Variants in CERS1 observed in about 807,000 individuals in gnomAD.
CERS1 encodes ceramide synthase 1, also known as Embryonic growth/differentiation factor 1.
CERS1 carries 16 observed loss-of-function variants against 35.7 expected under a neutral mutation model. The ratio of observed to expected loss-of-function variants is 0.45; its 90% CI spans 0.30 to 0.68. CERS1 has a LOEUF of 0.68. CERS1 is among the 30% of genes least tolerant of loss of function. CERS1 has a pLI of 0.08. For missense variants in CERS1, 454 were observed against 453.9 expected, an observed-to-expected ratio of 1.00 and a Z score of 0.00; for synonymous variants, 243 against 201.6, an observed-to-expected ratio of 1.21 and a Z score of -1.74.
chr19:18,869,227 C>A lies in CERS1; in HGVS notation c.*758G>T. 7.2e-7 allele frequency: 1 copy of A among 1,381,314 alleles called. No individual in the cohort carries two copies. The highest frequency in any genetic ancestry group is 9.3e-7 in the Non-Finnish European group (1 of 1,078,522). 85.6% of individuals were successfully genotyped at this position (1,381,314 alleles called of 1,614,324 possible). ...GGCCCGCTTGCGCCACGCTCAGCTC[C>A]CAGCCGCCCTCCGGGGCTGCCGCCG... is the stretch of plus-strand genomic sequence containing the variant. On this transcript the variant is annotated 3_prime_UTR_variant, in exon 8 of 8. Coordinates refer to ENST00000623882, the MANE Select transcript of CERS1 (RefSeq NM_021267.5).
intron 2 of CERS1, among the ~76,000 whole-genome samples, chr19:18,891,547 A>G (rs1310885192): frequency 6.6e-6 from 1 of 151,722 alleles, no homozygotes; most frequent in Non-Finnish European, 1.5e-5. Flanking sequence ...ACTCCAATCA[A>G]TTGGACACAG....
intron 2 of CERS1, among the ~76,000 whole-genome samples, chr19:18,886,091 GCTGCCAGACACCAAATTCAA>G (rs2056350359): frequency 1.3e-5 from 2 of 152,184 alleles, no homozygotes; most frequent in African/African-American, 4.8e-5. Context: ...ATCCCCAGAG[GCTGCCAGACACCAAATTCAA>G]GGGCTATGCT....
intron 1 of CERS1, among the ~76,000 whole-genome samples, chr19:18,894,155 C>T (rs1189416937): frequency 6.7e-6 from 1 of 148,686 alleles, no homozygotes; most frequent in Non-Finnish European, 1.5e-5. Flanking sequence ...GGACAGGAGG[C>T]GGAAAAGGTG....
At position 18,870,711 on chromosome 19, in the gene CERS1, C is replaced by CT; in HGVS notation, c.1011-93dup. The CT allele has an allele frequency of 2.1e-6, 1 of 483,100 alleles. No homozygotes were observed. Among genetic ancestry groups the CT allele is most frequent in the South Asian group, 4.3e-5 (1 of 23,350 alleles). The allele number at this position is 483,100 out of a possible 1,614,324, so 29.9% of individuals were successfully genotyped here. On this transcript the variant is annotated intron_variant, in intron 6 of 7. Coordinates refer to ENST00000623882, the MANE Select transcript of CERS1 (RefSeq NM_021267.5). This position sits in a 1 kb window ranked among gnomAD's most constrained non-coding sequence, Gnocchi z 5.1. ...TTCTTCTCTGGCCGTTTCACACCCC[C>CT]TGGCTCCTTTTACCCGGCCAGGCCC...
In CERS1 at chr19:18,879,310, G is replaced by A; in HGVS notation, c.831C>T (p.Asp277=). ...CATTGAAGAAGAAGTAGAAGGGGATGTCAGGCACCGTGCGCAGACTGCAGT... is the reference window on the plus strand; with the variant it reads ...CATTGAAGAAGAAGTAGAAGGGGATATCAGGCACCGTGCGCAGACTGCAGT... The part of the protein sequence containing the change: ...TSHCSLRTVP[D]IPFYFFFNAL... Residue 277 remains aspartate, a synonymous_variant, in exon 5 of 8, where the codon GAC becomes GAT. Transcript: ENST00000623882. The A allele has an allele frequency of 6.2e-7, 1 of 1,612,236 alleles. No individual in the cohort carries two copies. Among genetic ancestry groups the A allele is most frequent in the Non-Finnish European group, 8.5e-7 (1 of 1,179,230 alleles).
chr19:18,885,811 G>A (rs1019345791), intron 2 of CERS1, among the ~76,000 whole-genome samples: 11 of 152,108 alleles, frequency 7.2e-5, no homozygotes, highest in African/African-American at 1.9e-4. Flanking sequence ...GAGCCGCTGC[G>A]CCCGGCCTCT....
chr19:18,891,457 C>T (rs567596539), intron 2 of CERS1, among the ~76,000 whole-genome samples: 2 of 152,284 alleles, frequency 1.3e-5, no homozygotes, highest in East Asian at 3.9e-4. Context: ...CCCTGCCCTG[C>T]ATTCTCTGCC....
At position 18,870,051 on chromosome 19, in the gene CERS1, G is replaced by A. The variant is rs768953358; in HGVS notation, c.*526C>T. ...CTCCTCCACGTGGCACGGTTGCAGG[G>A]TGACCCCTGGGGACGTCCGCCGCGA... is the stretch of plus-strand genomic sequence containing the variant. On this transcript the variant is annotated 3_prime_UTR_variant, in exon 7 of 8. Transcript: ENST00000623882. The surrounding 1 kb of genome is among the most constrained non-coding windows in gnomAD (Gnocchi z 5.1). The A allele has an allele frequency of 4.5e-5, 71 of 1,592,478 alleles. No individual in the cohort carries two copies. Among genetic ancestry groups the A allele is most frequent in the Non-Finnish European group, 5.7e-5 (67 of 1,173,504 alleles).
chr19:18,894,340 C>A (rs575101079), intron 1 of CERS1, among the ~76,000 whole-genome samples: 1 of 152,178 alleles, frequency 6.6e-6, no homozygotes, highest in East Asian at 1.9e-4. Flanking sequence ...GCTGAGGGGG[C>A]CGGAGCCCAG....
chr19:18,892,482 C>T (rs1404799282), intron 2 of CERS1, among the ~76,000 whole-genome samples: 2 of 152,010 alleles, frequency 1.3e-5, no homozygotes, highest in South Asian at 2.1e-4. Flanking sequence ...GGCGTGGTGG[C>T]GGGCGCCTGT....
intron 7 of CERS1, among the ~76,000 whole-genome samples, chr19:18,869,738 C>T (rs1294618333): frequency 1.9e-5 from 1 of 51,772 alleles, no homozygotes; most frequent in Non-Finnish European, 3.8e-5. Context: ...TGGGGGTGGG[C>T]ATGGGGTGGG....
rs2056611035 is a variant in CERS1 at position 18,895,811 on chromosome 19, C to T, written c.249+13G>A. On this transcript the variant is annotated intron_variant, in intron 1 of 7. Transcript: ENST00000623882. The surrounding 1 kb of genome is among the most constrained non-coding windows in gnomAD (Gnocchi z 6.4). ...TCCGGGGTCCCCTCGTCCCGGCCCC[C>T]GGCCACACTGACCCGAAAGAGGCGC... is the stretch of plus-strand genomic sequence containing the variant. The T allele has an allele frequency of 1.6e-6, 2 of 1,236,086 alleles. No individual in the cohort carries two copies. Among genetic ancestry groups the T allele is most frequent in the Admixed American group, 4.5e-5 (1 of 22,244 alleles). The allele number at this position is 1,236,086 out of a possible 1,614,324, so 76.6% of individuals were successfully genotyped here.
rs1159695574 is a variant in CERS1 at position 18,870,845 on chromosome 19, G to A, written c.1011-226C>T. Among the ~76,000 whole-genome samples, 1 of 151,690 alleles carries A rather than the reference G, an allele frequency of 6.6e-6. No homozygotes were observed. The highest frequency in any genetic ancestry group is 2.4e-5 in the African/African-American group (1 of 41,252). On this transcript the variant is annotated intron_variant, in intron 6 of 7. Coordinates refer to ENST00000623882, the MANE Select transcript of CERS1 (RefSeq NM_021267.5). The surrounding 1 kb of genome is among the most constrained non-coding windows in gnomAD (Gnocchi z 5.1). ...GCACGTATGTCCCCCCTGGCACCCTGGCACTTCCTCCTTGCTTCCCCCTCT... is the reference window on the plus strand; with the variant it reads ...GCACGTATGTCCCCCCTGGCACCCTAGCACTTCCTCCTTGCTTCCCCCTCT...
Position 18,869,206 on chromosome 19 carries a change from C to T in CERS1, c.*779G>A. 2 of 1,275,646 alleles carry T rather than the reference C, an allele frequency of 1.6e-6. No individual in the cohort carries two copies. The highest frequency in any genetic ancestry group is 2.2e-5 in the South Asian group (1 of 45,282). The allele number at this position is 1,275,646 out of a possible 1,614,324, so 79.0% of individuals were successfully genotyped here. ...CGGGGTCCGCGCCCGCGCCCTGGCC[C>T]GCTTGCGCCACGCTCAGCTCCCAGC... On this transcript the variant is annotated 3_prime_UTR_variant, in exon 8 of 8. Transcript: ENST00000623882.
At position 18,893,822 on chromosome 19, in the gene CERS1, C is replaced by T. The variant is rs1457470433; in HGVS notation, c.250-247G>A. 2.7e-5 allele frequency among the ~76,000 whole-genome samples: 4 copies of T among 150,924 alleles called. No individual in the cohort carries two copies. In the South Asian group the frequency reaches 6.3e-4, roughly 24 times the overall value. On this transcript the variant is annotated intron_variant, in intron 1 of 7. Coordinates refer to ENST00000623882, the MANE Select transcript of CERS1 (RefSeq NM_021267.5). Reference sequence around the variant, plus strand: ...GTGAGGGGGGAGGCCCCGAGGGGAGCAGGAGGGCTCTGGGGGCCAGAAGGG... The same window carrying T: ...GTGAGGGGGGAGGCCCCGAGGGGAGTAGGAGGGCTCTGGGGGCCAGAAGGG...
At chr19:18,889,617 A>G (rs1308228049) in intron 2 of CERS1, among the ~76,000 whole-genome samples, 2 of 152,044 alleles carry the variant, frequency 1.3e-5, no homozygotes, top group Admixed American at 6.5e-5. Flanking sequence ...TTTTGTAGAG[A>G]TGGCGTCTCA....
chr19:18,886,282 G>A (rs1489262897), intron 2 of CERS1, among the ~76,000 whole-genome samples: 2 of 152,166 alleles, frequency 1.3e-5, no homozygotes, highest in East Asian at 1.9e-4. Flanking sequence ...GGGCGCAGTG[G>A]CTCACGCCTG....
chr19:18,882,071 A>G (rs1471509558), intron 3 of CERS1: 1 of 154,172 alleles, frequency 6.5e-6, no homozygotes, highest in East Asian at 2.0e-4. Context: ...CGGCCTCCCA[A>G]AGTGCTGGGA....
chr19:18,872,544 T>G (rs1435079416), intron 6 of CERS1, among the ~76,000 whole-genome samples: 1 of 149,806 alleles, frequency 6.7e-6, no homozygotes, highest in East Asian at 2.0e-4. Context: ...AGACGAAGTC[T>G]CGCTCTTGTC....
Sources: allele counts gnomAD v4.1 joint callset (sites outside exome capture counted in the v4.1 genomes callset), GRCh38; gene constraint gnomAD v4.1.1; non-coding constraint Gnocchi (gnomAD v3.1); transcripts MANE v1.5; gene names NCBI Gene and HGNC (gene_info 2026-07-23, HGNC 2026-07-21).